Variants in DLGAP2 observed in about 807,000 individuals in gnomAD.
DLGAP2 encodes disks large-associated protein 2.
DLGAP2 carries 26 observed loss-of-function variants against 100.3 expected under a neutral mutation model. That is an observed-to-expected ratio of 0.26 (90% CI 0.19 to 0.36). The LOEUF (loss-of-function observed/expected upper bound fraction) is 0.36. DLGAP2 is among the 10% of genes least tolerant of loss of function. DLGAP2 has a pLI of 1.00. For missense variants in DLGAP2, 1,858 were observed against 1,453.2 expected, an observed-to-expected ratio of 1.28 and a Z score of -4.53; for synonymous variants, 886 against 630.1, an observed-to-expected ratio of 1.41 and a Z score of -6.08.
rs139771005 is a variant in DLGAP2 at position 1,139,117 on chromosome 8, C to T, written c.74-119734C>T. Among the ~76,000 whole-genome samples, 515 of 152,314 alleles carry T rather than the reference C, an allele frequency of 3.4e-3. 2 individuals carry two copies. Among genetic ancestry groups the T allele is most frequent in the African/African-American group, 0.012 (482 of 41,578 alleles). ...CCTCGGGTGATGACTGTTTCCTGAG[C>T]GCCTGCTGCCGGCCGCTGCGGCCTG... is the stretch of plus-strand genomic sequence containing the variant. On this transcript the variant is annotated intron_variant, in intron 2 of 14. Coordinates refer to ENST00000637795, the MANE Select transcript of DLGAP2 (RefSeq NM_001346810.2).
intron 2 of DLGAP2, among the ~76,000 whole-genome samples, chr8:1,217,303 G>T (rs1219553366): frequency 2.0e-5 from 3 of 152,058 alleles, no homozygotes; most frequent in African/African-American, 7.2e-5. Flanking sequence ...TTTTTTTATG[G>T]CTGCACAGTA....
At chr8:888,312 C>A (rs1240995890) in intron 1 of DLGAP2, among the ~76,000 whole-genome samples, 1 of 152,178 alleles carries the variant, frequency 6.6e-6, no homozygotes, top group African/African-American at 2.4e-5. Context: ...AGCTTCTTTG[C>A]ACTGGGTTAG....
chr8:1,555,289 A>G (rs2956892), intron 5 of DLGAP2, among the ~76,000 whole-genome samples: 140,496 of 152,204 alleles, frequency 0.92, 64,934 homozygotes, highest in East Asian at 0.97. Context: ...TGCCCCATCC[A>G]TCCAGTGTGA....
In DLGAP2 at chr8:1,282,569, C is replaced by G. The variant is rs1192282153; in HGVS notation, c.106+23686C>G. Among the ~76,000 whole-genome samples the G allele has an allele frequency of 1.7e-4, 20 of 117,942 alleles. 2 individuals carry two copies. Among genetic ancestry groups the G allele is most frequent in the Non-Finnish European group, 3.2e-4 (18 of 56,190 alleles). The allele number at this position is 117,942 out of a possible 152,430, so 77.4% of individuals were successfully genotyped here. Reference sequence around the variant, plus strand: ...CGGACATGGTGTGACCTGAACCCAGCACATGAACCATCTGGACATGGTGTG... The same window carrying G: ...CGGACATGGTGTGACCTGAACCCAGGACATGAACCATCTGGACATGGTGTG... On this transcript the variant is annotated intron_variant, in intron 3 of 14. Coordinates refer to ENST00000637795, the MANE Select transcript of DLGAP2 (RefSeq NM_001346810.2).
chr8:1,695,761 T>C (rs1799381978), intron 13 of DLGAP2, among the ~76,000 whole-genome samples: 1 of 152,226 alleles, frequency 6.6e-6, no homozygotes, highest in Non-Finnish European at 1.5e-5. Context: ...CCCTGCTGCT[T>C]GTCACCTGGC....
At chr8:965,796 G>A (rs1294777909) in intron 2 of DLGAP2, among the ~76,000 whole-genome samples, 3 of 147,146 alleles carry the variant, frequency 2.0e-5, no homozygotes, top group Non-Finnish European at 4.5e-5. Flanking sequence ...CACCACACAG[G>A]GCTCCTGAGT....
intron 1 of DLGAP2, among the ~76,000 whole-genome samples, chr8:795,221 C>A (rs540453204): frequency 1.3e-5 from 2 of 152,308 alleles, no homozygotes; most frequent in South Asian, 4.1e-4. Flanking sequence ...CTAGCCAGGG[C>A]AATTTTGTCA....
chr8:747,263 A>C (rs1412093907), intron 1 of DLGAP2, among the ~76,000 whole-genome samples: 2 of 152,090 alleles, frequency 1.3e-5, no homozygotes, highest in African/African-American at 4.8e-5. Flanking sequence ...TTACGTTTTC[A>C]TTCAGTAAAA....
chr8:752,654 C>T (rs1167160212), intron 1 of DLGAP2, among the ~76,000 whole-genome samples: 4 of 152,170 alleles, frequency 2.6e-5, no homozygotes, highest in East Asian at 3.9e-4. Context: ...GGCTTAAATT[C>T]CCTCCTGAAA....
At chr8:1,005,088 G>A (rs1801068072) in intron 2 of DLGAP2, among the ~76,000 whole-genome samples, 1 of 152,206 alleles carries the variant, frequency 6.6e-6, no homozygotes, top group African/African-American at 2.4e-5. Flanking sequence ...GTGTCTTCCT[G>A]TGGATGGATC....
At chr8:1,597,534 C>A (rs1015404771) in intron 6 of DLGAP2, among the ~76,000 whole-genome samples, 1 of 152,052 alleles carries the variant, frequency 6.6e-6, no homozygotes, top group Non-Finnish European at 1.5e-5. Flanking sequence ...TGTGTCTTCT[C>A]TTATTTCCTT....
chr8:1,552,056 C>A (rs941944210), intron 5 of DLGAP2, among the ~76,000 whole-genome samples: 1 of 152,144 alleles, frequency 6.6e-6, no homozygotes, highest in Non-Finnish European at 1.5e-5. Context: ...AGTCTGAGTT[C>A]CGTGCCATGG....
chr8:1,574,288 C>T (rs1802875264), intron 6 of DLGAP2, among the ~76,000 whole-genome samples: 1 of 152,164 alleles, frequency 6.6e-6, no homozygotes. Context: ...GAGCAATGAA[C>T]TAGGCACAGC....
chr8:742,328 A>T (rs761889073), intron 1 of DLGAP2, among the ~76,000 whole-genome samples: 16 of 152,256 alleles, frequency 1.1e-4, no homozygotes, highest in Non-Finnish European at 1.6e-4. Context: ...TTGTGTTAAA[A>T]ATTTTTAAAG....
At chr8:1,551,955 G>A (rs545019963) in intron 5 of DLGAP2, among the ~76,000 whole-genome samples, 22 of 152,254 alleles carry the variant, frequency 1.4e-4, no homozygotes, top group Admixed American at 1.2e-3. Context: ...TCTTCATCTC[G>A]TTCAGCCCGA....
chr8:1,477,650 C>T (rs1798973087), intron 3 of DLGAP2, among the ~76,000 whole-genome samples: 1 of 152,166 alleles, frequency 6.6e-6, no homozygotes, highest in African/African-American at 2.4e-5. Flanking sequence ...CCCATCTGCA[C>T]CCAGGAATGT....
chr8:1,186,118 G>A (rs1423730071), intron 2 of DLGAP2, among the ~76,000 whole-genome samples: 2 of 152,186 alleles, frequency 1.3e-5, no homozygotes, highest in Admixed American at 1.3e-4. Flanking sequence ...GCCTCGCCAA[G>A]GTGCTTCTCG....
chr8:1,136,301 A>T (rs1352295918), intron 2 of DLGAP2, among the ~76,000 whole-genome samples: 2 of 84,388 alleles, frequency 2.4e-5, no homozygotes, highest in African/African-American at 4.0e-5. Flanking sequence ...CAAACCTCGT[A>T]AAAAAAAACT....
chr8:1,689,451 G>A (rs1799200367), intron 12 of DLGAP2, among the ~76,000 whole-genome samples: 1 of 152,134 alleles, frequency 6.6e-6, no homozygotes, highest in East Asian at 1.9e-4. Context: ...CGTTCAAGGG[G>A]GCAAATCTCC....
Sources: gnomAD v4.1 joint callset for allele counts (sites outside exome capture counted in the v4.1 genomes callset) on GRCh38, gnomAD v4.1.1 for gene constraint, MANE v1.5 for transcripts, NCBI Gene and HGNC (gene_info 2026-07-23, HGNC 2026-07-21) for gene names.